Variants in STEAP4 observed in about 807,000 individuals in gnomAD.
STEAP4 encodes the protein metalloreductase STEAP4.
In STEAP4, 36 loss-of-function variants were observed where a neutral mutation model predicts 43.6. The observed-to-expected ratio is 0.83, with a 90% confidence interval of 0.63 to 1.09. The LOEUF is 1.09. Ranked by LOEUF, STEAP4 falls within the 50% of genes least tolerant of loss-of-function variation. The pLI, the probability that STEAP4 is intolerant of heterozygous loss-of-function variation, is 0.00. For missense variants in STEAP4, 495 were observed against 546.5 expected (o/e 0.91, Z 0.94); for synonymous variants, 191 against 196.7 (o/e 0.97, Z 0.24).
chr7:88,292,394 C>T (rs1265773022), intron 1 of STEAP4: 2 of 151,934 alleles, frequency 1.3e-5, no homozygotes, highest in Admixed American at 6.6e-5. Context: ...AAGGGAATTA[C>T]AAAAATAATC....
chr7:88,306,620 C>T (rs1233583920), intron 1 of STEAP4, among the ~76,000 whole-genome samples, 172 bp downstream of exon 1: 1 of 152,268 alleles, frequency 6.6e-6, no homozygotes. Context: ...CTTGCTGAAT[C>T]GCGGAGCAGC....
intron 1 of STEAP4, among the ~76,000 whole-genome samples, chr7:88,302,438 C>A (rs752824181): frequency 6.6e-6 from 1 of 152,118 alleles, no homozygotes; most frequent in Admixed American, 6.5e-5. Flanking sequence ...TGCCAGGAAG[C>A]GGAACAAGTA....
chr7:88,288,993 A>G (rs934782250), intron 1 of STEAP4, among the ~76,000 whole-genome samples: 1 of 151,956 alleles, frequency 6.6e-6, no homozygotes, highest in Non-Finnish European at 1.5e-5. Flanking sequence ...TTTCTCAAAA[A>G]TGTTTCTTTT....
chr7:88,283,275 G>T, intron 2 of STEAP4, 107 bp from the exon 3 acceptor site: 1 of 1,163,854 alleles, frequency 8.6e-7, no homozygotes, highest in Non-Finnish European at 1.2e-6. Flanking sequence ...GTAAAACAGT[G>T]AACCGATTTT....
At position 88,279,063 on chromosome 7, in the gene STEAP4, T is replaced by G. The variant is rs967600670; in HGVS notation, c.*335A>C. 1.2e-5 allele frequency: 3 copies of G among 260,796 alleles called. No homozygotes were observed. The highest frequency in any genetic ancestry group is 6.6e-5 in the African/African-American group (3 of 45,316). 16.2% of individuals were successfully genotyped at this position (260,796 alleles called of 1,614,324 possible). On this transcript the variant is annotated 3_prime_UTR_variant, in exon 5 of 5. Coordinates refer to ENST00000380079, the MANE Select transcript of STEAP4 (RefSeq NM_024636.4). ...AGGAAGCTGCAATACTTCTATTGGA[T>G]TTTGCAAGACATTAGGTCATGCATG...
At chr7:88,288,124 C>A (rs957388131) in intron 1 of STEAP4, among the ~76,000 whole-genome samples, 1 of 152,102 alleles carries the variant, frequency 6.6e-6, no homozygotes, top group African/African-American at 2.4e-5. Flanking sequence ...AAATTTATAC[C>A]TTATACTCCA....
At chr7:88,305,088 C>T (rs574459000) in intron 1 of STEAP4, among the ~76,000 whole-genome samples, 2 of 152,262 alleles carry the variant, frequency 1.3e-5, no homozygotes, top group South Asian at 4.1e-4. Flanking sequence ...TTTAGTAAGG[C>T]AGAAGTCTGG....
At chr7:88,280,590 C>T (rs1852601485) in intron 4 of STEAP4, among the ~76,000 whole-genome samples, 1 of 152,192 alleles carries the variant, frequency 6.6e-6, no homozygotes, top group South Asian at 2.1e-4. Context: ...AACTTTATCT[C>T]AACATCTGGT....
Position 88,277,969 on chromosome 7 carries a change from G to C in STEAP4, c.*1429C>G, listed in dbSNP as rs1470676923. 1 of 151,354 alleles carries C rather than the reference G, an allele frequency of 6.6e-6. No individual in the cohort carries two copies. Among genetic ancestry groups the C allele is most frequent in the Non-Finnish European group, 1.5e-5 (1 of 67,902 alleles). 9.4% of individuals were successfully genotyped at this position (151,354 alleles called of 1,614,324 possible). ...ATATAGATACAATTATTTTTAAAAAGTTTTATAGAAAAATATCCTGGATTG... is the reference window on the plus strand; with the variant it reads ...ATATAGATACAATTATTTTTAAAAACTTTTATAGAAAAATATCCTGGATTG... On this transcript the variant is annotated 3_prime_UTR_variant, in exon 5 of 5. Transcript: ENST00000380079.
intron 1 of STEAP4, among the ~76,000 whole-genome samples, chr7:88,285,624 TG>T (rs556821114): frequency 9.6e-4 from 146 of 152,136 alleles, no homozygotes; most frequent in African/African-American, 3.5e-3. Flanking sequence ...GAAACCAGCC[TG>T]GCCAACATAG....
In STEAP4 at chr7:88,284,250, T is replaced by C; in HGVS notation, c.20A>G (p.Asp7Gly). Residue 7 changes from aspartate (D) to glycine (G), a missense_variant, in exon 2 of 5, where the codon GAT becomes GGT. Coordinates refer to ENST00000380079, the MANE Select transcript of STEAP4 (RefSeq NM_024636.4). ...AGAATTCATAGTAAGAGGAAGTGCA[T>C]CTATACAAGTTTTCTCCATAACTGA... MEKTCI[D>G]ALPLTMNSSE... 6.3e-7 allele frequency: 1 copy of C among 1,594,942 alleles called. No homozygotes were observed. Among genetic ancestry groups the C allele is most frequent in the South Asian group, 1.1e-5 (1 of 89,166 alleles).
chr7:88,279,567 T>A lies in STEAP4; in HGVS notation c.1211A>T (p.Lys404Met), dbSNP rs1259701803. ...GAGATTTGAAGGGCTGAGGAATCTC[T>A]TCCCACCGTACACCAGGGTGTGGGC... ...CTAHTLVYGG[K>M]RFLSPSNLRW... Residue 404 changes from lysine to methionine, a missense_variant, in exon 5 of 5, where the codon AAG becomes ATG. Transcript: ENST00000380079. 6.2e-7 allele frequency: 1 copy of A among 1,613,784 alleles called. No individual in the cohort carries two copies. Among genetic ancestry groups the A allele is most frequent in the Non-Finnish European group, 8.5e-7 (1 of 1,179,790 alleles).
chr7:88,280,520 A>G (rs929148079), intron 4 of STEAP4, among the ~76,000 whole-genome samples: 2 of 152,250 alleles, frequency 1.3e-5, no homozygotes, highest in Non-Finnish European at 2.9e-5. Context: ...TCCCTCTTAC[A>G]GAAGAGCATT....
At chr7:88,287,199 C>T (rs943263569) in intron 1 of STEAP4, among the ~76,000 whole-genome samples, 2 of 152,216 alleles carry the variant, frequency 1.3e-5, no homozygotes, top group African/African-American at 4.8e-5. Context: ...CCTAGCATTA[C>T]TTCTCCACTG....
chr7:88,279,200 C>A lies in STEAP4; in HGVS notation c.*198G>T, dbSNP rs971788956. The A allele has an allele frequency of 1.7e-6, 1 of 580,644 alleles. No homozygotes were observed. Among genetic ancestry groups the A allele is most frequent in the African/African-American group, 1.9e-5 (1 of 53,452 alleles). The allele number at this position is 580,644 out of a possible 1,614,324, so 36.0% of individuals were successfully genotyped here. On this transcript the variant is annotated 3_prime_UTR_variant, in exon 5 of 5. Transcript: ENST00000380079. ...GGGACCTGCACTGATTCTTCACTAA[C>A]CTGAGATAAAATGGTGTTCTCTTCC...
intron 1 of STEAP4, among the ~76,000 whole-genome samples, chr7:88,306,167 C>G (rs1454760156): frequency 6.6e-6 from 1 of 152,206 alleles, no homozygotes; most frequent in African/African-American, 2.4e-5. Context: ...CCGTACCCAG[C>G]CTCAGTACAC....
intron 1 of STEAP4, among the ~76,000 whole-genome samples, chr7:88,287,610 G>C (rs1304433700): frequency 2.0e-5 from 3 of 152,162 alleles, no homozygotes; most frequent in Non-Finnish European, 4.4e-5. Context: ...GGTCAGGTTG[G>C]AGATAGAATT....
intron 1 of STEAP4, among the ~76,000 whole-genome samples, chr7:88,298,118 A>G (rs1443695126): frequency 1.3e-5 from 2 of 152,076 alleles, no homozygotes; most frequent in Non-Finnish European, 2.9e-5. Flanking sequence ...CTTAAGTTGA[A>G]CCATTAACTT....
chr7:88,299,052 G>A (rs1200286798), intron 1 of STEAP4, among the ~76,000 whole-genome samples: 1 of 152,036 alleles, frequency 6.6e-6, no homozygotes, highest in African/African-American at 2.4e-5. Context: ...TATGTCATAT[G>A]CGGCAACTAA....
Sources: gnomAD v4.1 joint callset for allele counts (sites outside exome capture counted in the v4.1 genomes callset) on GRCh38, gnomAD v4.1.1 for gene constraint, MANE v1.5 for transcripts, NCBI Gene and HGNC (gene_info 2026-07-23, HGNC 2026-07-21) for gene names.